The following DAB1 variants were observed in gnomAD, a reference collection of about 807,000 sequenced individuals.
DAB1 encodes the protein DAB adaptor protein 1.
A neutral mutation model predicts 64.6 loss-of-function variants in DAB1; 15 were observed. The ratio of observed to expected loss-of-function variants is 0.23; its 90% CI spans 0.16 to 0.36. The LOEUF (loss-of-function observed/expected upper bound fraction) is 0.36, where lower values mean the gene tolerates loss of function less well. DAB1 is among the 10% of genes least tolerant of loss of function. DAB1 has a pLI of 1.00. For synonymous variants in DAB1, 235 were observed against 251.9 expected (o/e 0.93, Z 0.64); for missense variants, 596 against 706.7 (o/e 0.84, Z 1.78).
intron 5 of DAB1, among the ~76,000 whole-genome samples, chr1:57,949,109 G>A (rs917215573): frequency 4.6e-5 from 7 of 151,942 alleles, no homozygotes; most frequent in South Asian, 2.1e-4. Flanking sequence ...TTAAGCCAGC[G>A]GTCCCCAACC....
chr1:56,999,661 T>C (rs1645769260), intron 14 of DAB1, among the ~76,000 whole-genome samples: 1 of 152,206 alleles, frequency 6.6e-6, no homozygotes, highest in Admixed American at 6.5e-5. Context: ...AAGGTTGTAC[T>C]GGCCCATCAT....
intron 5 of DAB1, among the ~76,000 whole-genome samples, chr1:57,967,109 G>A (rs190374504): frequency 7.9e-5 from 12 of 152,276 alleles, no homozygotes; most frequent in Admixed American, 7.2e-4. Context: ...CAGCTTCAGG[G>A]CAAGGCCTGT....
chr1:57,718,928 C>T lies in DAB1; in HGVS notation n.552-69263G>A, dbSNP rs1043783862. On this transcript the variant is annotated intron_variant and non_coding_transcript_variant, in intron 6 of 20. Coordinates refer to the DAB1 transcript ENST00000485760. ...CTGTGAAAAAAATACTGATTTCCTG[C>T]CAAAAAGGGGATTATTCCAGCTCAC... 7.3e-5 allele frequency among the ~76,000 whole-genome samples: 11 copies of T among 151,452 alleles called. No individual in the cohort carries two copies. The South Asian group carries it at 8.3e-4, about 11-fold the overall frequency.
intron 1 of DAB1, among the ~76,000 whole-genome samples, chr1:58,529,030 T>C (rs1427000314): frequency 1.3e-5 from 2 of 152,132 alleles, no homozygotes; most frequent in Non-Finnish European, 1.5e-5. Flanking sequence ...ATCAGGAAAA[T>C]AACCACATTA....
chr1:58,096,317 A>G (rs1650978621), intron 5 of DAB1, among the ~76,000 whole-genome samples: 1 of 152,190 alleles, frequency 6.6e-6, no homozygotes, highest in Non-Finnish European at 1.5e-5. Flanking sequence ...ATGTGTTTCA[A>G]ACCAAGAAAC....
In DAB1 at chr1:58,235,788, G is replaced by C. The variant is rs1020576570; in HGVS notation, n.310-85200C>G. ...AGATAAAGGGCTAATTGGGCAGCTTGGTCCTTATTCAGGAGACCCAGTGAC... is the reference window on the plus strand; with the variant it reads ...AGATAAAGGGCTAATTGGGCAGCTTCGTCCTTATTCAGGAGACCCAGTGAC... On this transcript the variant is annotated intron_variant and non_coding_transcript_variant, in intron 4 of 20. Coordinates refer to the DAB1 transcript ENST00000485760. Among the ~76,000 whole-genome samples the C allele has an allele frequency of 3.9e-5, 6 of 152,184 alleles. 1 individual carries two copies. The highest frequency in any genetic ancestry group is 1.4e-4 in the African/African-American group (6 of 41,444).
intron 2 of DAB1, among the ~76,000 whole-genome samples, chr1:57,200,108 T>G (rs1664969814): frequency 6.6e-6 from 1 of 152,198 alleles, no homozygotes; most frequent in Non-Finnish European, 1.5e-5. Flanking sequence ...GAACTTTACC[T>G]CTTTCTGTAT....
At chr1:57,843,201 T>C (rs377402966) in intron 1 of DAB1, among the ~76,000 whole-genome samples, 6 of 152,376 alleles carry the variant, frequency 3.9e-5, no homozygotes, top group African/African-American at 1.4e-4. Flanking sequence ...CATTCACATC[T>C]TATTTCACCA....
chr1:57,304,327 C>A (rs1673949395), intron 1 of DAB1, among the ~76,000 whole-genome samples: 1 of 150,552 alleles, frequency 6.6e-6, no homozygotes. Context: ...CTCCCCCCCA[C>A]ACCCTCCCCC....
intron 6 of DAB1, among the ~76,000 whole-genome samples, chr1:57,820,278 T>A (rs1016485241): frequency 6.6e-5 from 10 of 152,222 alleles, no homozygotes; most frequent in Non-Finnish European, 1.3e-4. Flanking sequence ...TTAAAAACAA[T>A]TAATGTCAAA....
intron 5 of DAB1, among the ~76,000 whole-genome samples, chr1:58,028,811 C>T (rs764724254): frequency 1.4e-4 from 21 of 152,232 alleles, no homozygotes; most frequent in South Asian, 1.0e-3. Flanking sequence ...TCTTCACAGA[C>T]GAGGAATCTG....
At chr1:57,583,050 A>G (rs1411565845) in intron 7 of DAB1, among the ~76,000 whole-genome samples, 1 of 152,162 alleles carries the variant, frequency 6.6e-6, no homozygotes, top group Non-Finnish European at 1.5e-5. Flanking sequence ...AACAAAGAGA[A>G]TTGGAGAAGT....
intron 4 of DAB1, among the ~76,000 whole-genome samples, chr1:58,274,705 G>A (rs1306473937): frequency 1.3e-5 from 2 of 152,164 alleles, no homozygotes; most frequent in African/African-American, 4.8e-5. Context: ...ATATAATCTC[G>A]TGGTTCGCCG....
intron 5 of DAB1, among the ~76,000 whole-genome samples, chr1:57,997,947 A>G (rs1646451701): frequency 6.6e-6 from 1 of 151,990 alleles, no homozygotes; most frequent in African/African-American, 2.4e-5. Context: ...AAATCACTGT[A>G]TTAAATATGA....
At chr1:57,029,604 C>T (rs1646903546) in intron 9 of DAB1, among the ~76,000 whole-genome samples, 2 of 152,206 alleles carry the variant, frequency 1.3e-5, no homozygotes, top group Non-Finnish European at 2.9e-5. Flanking sequence ...TGCAAAGCCA[C>T]AGGGGAAGGG....
Position 58,260,309 on chromosome 1 carries a change from T to C in DAB1, n.309+83043A>G, listed in dbSNP as rs145215606. On this transcript the variant is annotated intron_variant and non_coding_transcript_variant, in intron 4 of 20. Transcript: ENST00000485760. ...TTAAGGCACCAGTTTAGGGAAAGAA[T>C]AGGAAGGAGACTAAACTGGCCAGCA... Among the ~76,000 whole-genome samples the C allele has an allele frequency of 4.6e-3, 700 of 152,230 alleles. 3 individuals carry two copies. The highest frequency in any genetic ancestry group is 0.016 in the African/African-American group (661 of 41,538).
chr1:57,089,002 C>T (rs1470332779), intron 4 of DAB1, among the ~76,000 whole-genome samples: 5 of 152,184 alleles, frequency 3.3e-5, no homozygotes, highest in Non-Finnish European at 5.9e-5. Flanking sequence ...AGAGGTCAAA[C>T]GCTGGCCTTT....
chr1:57,110,173 G>C (rs1655527775), intron 4 of DAB1, among the ~76,000 whole-genome samples: 1 of 152,148 alleles, frequency 6.6e-6, no homozygotes, highest in African/African-American at 2.4e-5. Flanking sequence ...CTCTCTGCTA[G>C]GAATAAAAAC....
chr1:57,357,748 T>C (rs1180568544), intron 1 of DAB1, among the ~76,000 whole-genome samples: 4 of 151,824 alleles, frequency 2.6e-5, no homozygotes, highest in Non-Finnish European at 5.9e-5. Context: ...CCTTCTCACG[T>C]GGCGGCAGGA....
Sources: gnomAD v4.1 joint callset for allele counts (sites outside exome capture counted in the v4.1 genomes callset) on GRCh38, gnomAD v4.1.1 for gene constraint, MANE v1.5 for transcripts, NCBI Gene and HGNC (gene_info 2026-07-23, HGNC 2026-07-21) for gene names.